Variants in OTUD7A observed in about 807,000 individuals in gnomAD.
The protein encoded by OTUD7A is OTU deubiquitinase 7A.
OTUD7A carries 12 observed loss-of-function variants against 65.7 expected under a neutral mutation model. The ratio of observed to expected loss-of-function variants is 0.18; its 90% CI spans 0.12 to 0.30. The LOEUF (loss-of-function observed/expected upper bound fraction) is 0.30. OTUD7A is among the 10% of genes least tolerant of loss of function. The pLI, the probability that OTUD7A is intolerant of heterozygous loss-of-function variation, is 1.00. For synonymous variants in OTUD7A, 641 were observed against 586.3 expected, an observed-to-expected ratio of 1.09 and a Z score of -1.35; for missense variants, 1,148 against 1,304.8, an observed-to-expected ratio of 0.88 and a Z score of 1.85.
At position 31,637,926 on chromosome 15, in the gene OTUD7A, T is replaced by C. The variant is rs538711645; in HGVS notation, c.151+17170A>G. ...GGTTTCTTGAGATGGAATCTGCTCC[T>C]GGTAAAGATGCTGTGAACACTGCTG... is the stretch of plus-strand genomic sequence containing the variant. On this transcript the variant is annotated intron_variant, in intron 3 of 12. Transcript: ENST00000307050. Among the ~76,000 whole-genome samples the C allele has an allele frequency of 1.9e-3, 289 of 152,314 alleles. 1 individual carries two copies. Among genetic ancestry groups the C allele is most frequent in the African/African-American group, 6.4e-3 (267 of 41,572 alleles).
chr15:31,797,917 T>C (rs1896014645), intron 1 of OTUD7A, among the ~76,000 whole-genome samples: 1 of 152,118 alleles, frequency 6.6e-6, no homozygotes, highest in Non-Finnish European at 1.5e-5. Context: ...TGCACCGTTC[T>C]GCAGGTGTGA....
intron 1 of OTUD7A, among the ~76,000 whole-genome samples, chr15:31,681,449 T>C (rs764263095): frequency 1.3e-4 from 19 of 151,830 alleles, no homozygotes; most frequent in Non-Finnish European, 2.1e-4. Flanking sequence ...TCTCTGTTTT[T>C]CTGTCTGTCC....
rs1595544869 is a variant in OTUD7A, at chr15:31,480,516, C to T, written c.*2778G>A. The T allele has an allele frequency of 2.0e-5, 3 of 152,464 alleles. No homozygotes were observed. Among genetic ancestry groups the T allele is most frequent in the African/African-American group, 7.2e-5 (3 of 41,560 alleles). 9.4% of individuals were successfully genotyped at this position (152,464 alleles called of 1,614,324 possible). ...CGGTAGGACTCACCTTCTTCCCTTT[C>T]TCCCTGCTCCACAAAGGGCCCTCAC... On this transcript the variant is annotated 3_prime_UTR_variant, in exon 13 of 13. Transcript: ENST00000307050.
chr15:31,724,852 T>A (rs1893839987), intron 1 of OTUD7A, among the ~76,000 whole-genome samples: 1 of 152,000 alleles, frequency 6.6e-6, no homozygotes, highest in South Asian at 2.1e-4. Flanking sequence ...GGGTAGGTCC[T>A]CCTGTTGAAG....
chr15:31,640,157 C>T (rs1397109365), intron 3 of OTUD7A, among the ~76,000 whole-genome samples: 4 of 152,092 alleles, frequency 2.6e-5, no homozygotes, highest in Non-Finnish European at 5.9e-5. Flanking sequence ...GACTATTATT[C>T]TAAGTGAAGT....
chr15:31,505,849 A>G (rs1247109749), intron 8 of OTUD7A, among the ~76,000 whole-genome samples: 2 of 151,184 alleles, frequency 1.3e-5, no homozygotes, highest in Non-Finnish European at 2.9e-5. Context: ...TCCCGGGTTC[A>G]CGCCATTCTC....
intron 8 of OTUD7A, among the ~76,000 whole-genome samples, chr15:31,523,029 G>A (rs1192461207): frequency 6.6e-6 from 1 of 152,242 alleles, no homozygotes; most frequent in Non-Finnish European, 1.5e-5. Context: ...CCCAGGCTGG[G>A]ATGAATAAAG....
chr15:31,795,140 C>T (rs1045363316), intron 1 of OTUD7A, among the ~76,000 whole-genome samples: 3 of 152,204 alleles, frequency 2.0e-5, no homozygotes, highest in Non-Finnish European at 2.9e-5. Context: ...CCTGCTCATT[C>T]GAATCCTAGG....
chr15:31,566,770 C>T (rs1019475630), intron 4 of OTUD7A, among the ~76,000 whole-genome samples: 2 of 152,134 alleles, frequency 1.3e-5, no homozygotes, highest in Non-Finnish European at 2.9e-5. Context: ...CACCTCCCAC[C>T]CACCACTCTC....
chr15:31,603,459 A>G (rs758044617), intron 3 of OTUD7A, among the ~76,000 whole-genome samples: 3 of 152,248 alleles, frequency 2.0e-5, no homozygotes, highest in Non-Finnish European at 4.4e-5. Context: ...TGAATTAAAG[A>G]CTTAAACGTA....
intron 1 of OTUD7A, among the ~76,000 whole-genome samples, chr15:31,803,281 C>G (rs756556738): frequency 1.7e-4 from 26 of 152,186 alleles, no homozygotes; most frequent in African/African-American, 6.3e-4. Flanking sequence ...AACATCTTGC[C>G]GTATCAATCT....
At chr15:31,558,718 G>A in intron 5 of OTUD7A, 2 of 576,456 alleles carry the variant, frequency 3.5e-6, no homozygotes, top group Non-Finnish European at 3.1e-6. Flanking sequence ...AAGGAGGACT[G>A]GGATTTAGGA....
chr15:31,532,957 G>C (rs1887680523), intron 5 of OTUD7A, among the ~76,000 whole-genome samples: 1 of 143,852 alleles, frequency 7.0e-6, no homozygotes, highest in African/African-American at 2.6e-5. Flanking sequence ...AAAAAAAAGT[G>C]TTCAAAGAAA....
At chr15:31,600,991 A>T (rs1007395596) in intron 3 of OTUD7A, among the ~76,000 whole-genome samples, 1 of 152,106 alleles carries the variant, frequency 6.6e-6, no homozygotes, top group Non-Finnish European at 1.5e-5. Flanking sequence ...AGAGACTCAG[A>T]CTCCCACACA....
intron 3 of OTUD7A, among the ~76,000 whole-genome samples, chr15:31,603,443 T>C (rs1359632239): frequency 6.6e-6 from 1 of 151,986 alleles, no homozygotes; most frequent in Non-Finnish European, 1.5e-5. Flanking sequence ...AAAAATTAAC[T>C]CAAGATGAAT....
intron 3 of OTUD7A, among the ~76,000 whole-genome samples, chr15:31,571,780 C>T (rs199807654): frequency 6.6e-6 from 1 of 152,166 alleles, no homozygotes; most frequent in Non-Finnish European, 1.5e-5. Context: ...TTCAAATACA[C>T]GGACTTATCT....
intron 3 of OTUD7A, among the ~76,000 whole-genome samples, chr15:31,631,927 C>T (rs1379466030): frequency 6.6e-6 from 1 of 152,220 alleles, no homozygotes; most frequent in East Asian, 1.9e-4. Context: ...TGAGCCTTGG[C>T]TTTCAGCTCC....
At position 31,487,069 on chromosome 15, in the gene OTUD7A, G is replaced by C. The variant is rs2041247561; in HGVS notation, c.1371+125C>G. The C allele has an allele frequency of 4.5e-6, 4 of 889,546 alleles. No individual in the cohort carries two copies. Among genetic ancestry groups the C allele is most frequent in the Admixed American group, 2.3e-5 (1 of 42,874 alleles). The allele number at this position is 889,546 out of a possible 1,614,324, so 55.1% of individuals were successfully genotyped here. Reference sequence around the variant, plus strand: ...AGCTACTGGGCTGTGGGTATGGCTGGGGTGGGCGGCCGGGCAGGGGCAGGC... The same window carrying C: ...AGCTACTGGGCTGTGGGTATGGCTGCGGTGGGCGGCCGGGCAGGGGCAGGC... On this transcript the variant is annotated intron_variant, in intron 12 of 12. Coordinates refer to ENST00000307050, the MANE Select transcript of OTUD7A (RefSeq NM_001382637.1). The surrounding 1 kb of genome is among the most constrained non-coding windows in gnomAD (Gnocchi z 6.0).
At chr15:31,579,148 AAG>A (rs1324749146) in intron 3 of OTUD7A, among the ~76,000 whole-genome samples, 3 of 152,236 alleles carry the variant, frequency 2.0e-5, no homozygotes, top group East Asian at 3.8e-4. Context: ...TTTGTATCTG[AAG>A]AAGGTCAGGT....
Sources: gnomAD v4.1 joint callset for allele counts (sites outside exome capture counted in the v4.1 genomes callset) on GRCh38, gnomAD v4.1.1 for gene constraint, Gnocchi (gnomAD v3.1) non-coding constraint, MANE v1.5 for transcripts, NCBI Gene and HGNC (gene_info 2026-07-23, HGNC 2026-07-21) for gene names.